Variants in MTA1 observed in about 807,000 individuals in gnomAD.
MTA1 encodes the protein metastasis associated 1.
A neutral mutation model predicts 97.0 loss-of-function variants in MTA1; 15 were observed. That is an observed-to-expected ratio of 0.15 (90% CI 0.10 to 0.24). The LOEUF is 0.24. Ranked by LOEUF, MTA1 falls within the 10% of genes least tolerant of loss-of-function variation. The probability of loss-of-function intolerance (pLI) is 1.00; values close to 1 mark genes in which losing one functional copy is unlikely to be tolerated. For missense variants in MTA1, 709 were observed against 1,015.1 expected, an observed-to-expected ratio of 0.70 and a Z score of 4.10; for synonymous variants, 435 against 417.5, an observed-to-expected ratio of 1.04 and a Z score of -0.51.
intron 1 of MTA1, among the ~76,000 whole-genome samples, chr14:105,425,373 T>C (rs1446394868): frequency 6.6e-6 from 1 of 152,054 alleles, no homozygotes; most frequent in Non-Finnish European, 1.5e-5. Flanking sequence ...CCCCACAGGC[T>C]CAGGCGATCC....
intron 2 of MTA1, among the ~76,000 whole-genome samples, chr14:105,443,400 C>G (rs1395774464): frequency 4.6e-5 from 7 of 152,192 alleles, no homozygotes; most frequent in African/African-American, 1.7e-4. Flanking sequence ...GAAACAAGGT[C>G]TTGCTCTTTT....
At chr14:105,468,081 G>A (rs1265926108) in intron 18 of MTA1, 6 of 346,302 alleles carry the variant, frequency 1.7e-5, no homozygotes, top group Non-Finnish European at 2.9e-5. Context: ...GCGCTGGAGA[G>A]GGGCCAGCTG....
At chr14:105,445,958 T>G in intron 3 of MTA1, 1 of 312,928 alleles carries the variant, frequency 3.2e-6, no homozygotes, top group Non-Finnish European at 6.2e-6. Context: ...AGTCCTCTCC[T>G]TATTCTTTAC....
At chr14:105,454,746 A>C (rs1301629002) in intron 7 of MTA1, 1 of 158,428 alleles carries the variant, frequency 6.3e-6, no homozygotes, top group East Asian at 1.8e-4. Flanking sequence ...AGCTGGGATT[A>C]CAGGCGCCCG....
intron 3 of MTA1, among the ~76,000 whole-genome samples, chr14:105,447,952 A>T (rs1237985056): frequency 2.6e-5 from 4 of 152,088 alleles, no homozygotes; most frequent in Admixed American, 1.3e-4. Context: ...CTCCCACGTC[A>T]CTGCCTCCAC....
chr14:105,454,288 C>G lies in MTA1; in HGVS notation c.528C>G (p.Asp176Glu). 6.2e-7 allele frequency: 1 copy of G among 1,613,374 alleles called. No individual in the cohort carries two copies. The highest frequency in any genetic ancestry group is 1.3e-5 in the African/African-American group (1 of 75,054). Residue 176 changes from aspartate (D) to glutamate (E), a missense_variant, in exon 7 of 21, where the codon GAC (aspartate) becomes GAG (glutamate). Physicochemically the swap from Asp to Glu is conservative, Grantham distance 45. Coordinates refer to ENST00000331320, the MANE Select transcript of MTA1 (RefSeq NM_004689.4). Reference sequence around the variant, plus strand: ...GAGTAGGAAACCGGTACCAGGCAGACATCACCGACTTGTTAAAAGAAGGTA... The same window carrying G: ...GAGTAGGAAACCGGTACCAGGCAGAGATCACCGACTTGTTAAAAGAAGGTA... ...EIRVGNRYQA[D>E]ITDLLKEGEE...
At chr14:105,453,735 C>T (rs782581409) in intron 6 of MTA1, among the ~76,000 whole-genome samples, 9 of 152,114 alleles carry the variant, frequency 5.9e-5, no homozygotes, top group Non-Finnish European at 7.4e-5. Flanking sequence ...TGCTTGAACC[C>T]GGGAAACGGA....
chr14:105,458,508 A>C, intron 8 of MTA1, 136 bp downstream of exon 8: 1 of 760,758 alleles, frequency 1.3e-6, no homozygotes, highest in Non-Finnish European at 2.2e-6. Context: ...TGCAGCCCTG[A>C]GACCCCCGGT....
chr14:105,461,309 T>A (rs1344557177), intron 10 of MTA1, among the ~76,000 whole-genome samples: 1 of 152,178 alleles, frequency 6.6e-6, no homozygotes, highest in African/African-American at 2.4e-5. Context: ...TTGGTTTTGC[T>A]TTGTTTTTGA....
At chr14:105,453,581 G>T (rs761445866) in intron 6 of MTA1, among the ~76,000 whole-genome samples, 9 of 152,150 alleles carry the variant, frequency 5.9e-5, no homozygotes, top group Non-Finnish European at 1.3e-4. Flanking sequence ...AGGCCGAGGC[G>T]GGTGGATCAC....
chr14:105,442,952 A>G (rs1279665623), intron 2 of MTA1, among the ~76,000 whole-genome samples: 1 of 152,208 alleles, frequency 6.6e-6, no homozygotes, highest in Non-Finnish European at 1.5e-5. Flanking sequence ...GCTGGTGGGA[A>G]CCTGAATGCG....
At chr14:105,464,929 G>T in intron 15 of MTA1, 66 bp downstream of exon 15, 1 of 1,490,446 alleles carries the variant, frequency 6.7e-7, no homozygotes, top group South Asian at 1.3e-5. Flanking sequence ...AGCAACCTTG[G>T]GGCCCAGCCT....
At chr14:105,425,190 C>T (rs1196469713) in intron 1 of MTA1, among the ~76,000 whole-genome samples, 2 of 151,952 alleles carry the variant, frequency 1.3e-5, no homozygotes, top group Non-Finnish European at 2.9e-5. Context: ...GGGAGGGTGG[C>T]CCCCCTTCCC....
Position 105,449,396 on chromosome 14 carries a change from C to A in MTA1, c.228C>A (p.Asp76Glu), listed in dbSNP as rs781958975. Residue 76 changes from aspartate (D) to glutamate (E), a missense_variant, in exon 4 of 21, where the codon GAC (aspartate) becomes GAA (glutamate). By Grantham distance (45) the Asp-to-Glu change is conservative. Around this residue, in one of 2 missense-constraint regions of MTA1, gnomAD observed 321 missense variants for 593.5 expected, o/e 0.54. Transcript: ENST00000331320. ...SVCYKAGPGADNGEEGEIEEE... is the reference protein window; with the variant it reads ...SVCYKAGPGAENGEEGEIEEE... ...GCTATAAGGCCGGACCGGGGGCGGA[C>A]AACGGCGAGGAAGGTAAGAGCCGGC... is the stretch of plus-strand genomic sequence containing the variant. 2 of 1,612,032 alleles carry A rather than the reference C, an allele frequency of 1.2e-6. No homozygotes were observed. The highest frequency in any genetic ancestry group is 2.7e-5 in the African/African-American group (2 of 74,900).
chr14:105,435,905 T>C (rs2082311016), intron 1 of MTA1, among the ~76,000 whole-genome samples: 1 of 152,186 alleles, frequency 6.6e-6, no homozygotes, highest in Non-Finnish European at 1.5e-5. Context: ...CTGATGTTGG[T>C]TACTTGTGGC....
chr14:105,436,269 A>G (rs78870881), intron 1 of MTA1, among the ~76,000 whole-genome samples: 3 of 152,138 alleles, frequency 2.0e-5, no homozygotes, highest in African/African-American at 4.8e-5. Flanking sequence ...GCGAAACTTC[A>G]TCTCAAACAA....
rs782820844 is a variant in MTA1 at position 105,458,390 on chromosome 14, G to A, written c.653+18G>A. On this transcript the variant is annotated intron_variant, in intron 8 of 20. Transcript: ENST00000331320. Reference sequence around the variant, plus strand: ...GTGGCCCGGTGAGTCCTGCTCCTGGGCAAGGCCAGCAGGGGTGGTGCCTGG... The same window carrying A: ...GTGGCCCGGTGAGTCCTGCTCCTGGACAAGGCCAGCAGGGGTGGTGCCTGG... 3 of 1,607,500 alleles carry A rather than the reference G, an allele frequency of 1.9e-6. No individual in the cohort carries two copies. Among genetic ancestry groups the A allele is most frequent in the Non-Finnish European group, 2.6e-6 (3 of 1,175,730 alleles).
chr14:105,434,490 C>CTT (rs140991917), intron 1 of MTA1, among the ~76,000 whole-genome samples: 3 of 86,944 alleles, frequency 3.5e-5, no homozygotes, highest in African/African-American at 1.1e-4. Flanking sequence ...AGAAAGAGGA[C>CTT]TTTTTTTTTT....
rs587716252 is a variant in MTA1 at position 105,450,459 on chromosome 14, C to T, written c.432+135C>T. 102 of 1,025,290 alleles carry T rather than the reference C, an allele frequency of 9.9e-5. 1 individual carries two copies. In the African/African-American group the frequency reaches 1.4e-3, roughly 14 times the overall value. The allele number at this position is 1,025,290 out of a possible 1,614,324, so 63.5% of individuals were successfully genotyped here. A position where few individuals can be genotyped will look rare whatever the true frequency, so the allele number is the denominator to read the frequency against. On this transcript the variant is annotated intron_variant, in intron 6 of 20. Transcript: ENST00000331320. ...AGGCCCAGGCTGTTCTGGGGGGAAG[C>T]GGGGATTGCGTCCTGACTGTCACTT...
Sources: allele counts gnomAD v4.1 joint callset (sites outside exome capture counted in the v4.1 genomes callset), GRCh38; gene constraint gnomAD v4.1.1; regional missense constraint gnomAD v4.1.1; transcripts MANE v1.5; gene names NCBI Gene and HGNC (gene_info 2026-07-23, HGNC 2026-07-21).